The following RPRD1A variants were observed in gnomAD, a reference collection of about 807,000 sequenced individuals.
RPRD1A encodes the protein regulation of nuclear pre-mRNA domain containing 1A.
A neutral mutation model predicts 37.8 loss-of-function variants in RPRD1A; 9 were observed. The observed-to-expected ratio is 0.24, with a 90% CI of 0.14 to 0.42. RPRD1A has a LOEUF of 0.42. RPRD1A is among the 10% of genes least tolerant of loss of function. The pLI is 1.00. For missense variants in RPRD1A, 255 were observed against 371.0 expected (o/e 0.69, Z 2.57); for synonymous variants, 138 against 139.7 (o/e 0.99, Z 0.08).
intron 6 of RPRD1A, among the ~76,000 whole-genome samples, chr18:36,017,182 C>T (rs1429454598): frequency 6.6e-6 from 1 of 152,060 alleles, no homozygotes; most frequent in Non-Finnish European, 1.5e-5. Context: ...TCGTGGCACT[C>T]GCCTGTAGTC....
intron 6 of RPRD1A, among the ~76,000 whole-genome samples, chr18:36,003,542 A>G (rs1260274684): frequency 4.6e-5 from 7 of 152,240 alleles, no homozygotes; most frequent in African/African-American, 1.7e-4. Context: ...CCTGTCAAGT[A>G]TATTACTCGA....
chr18:36,015,423 G>A (rs1259202332), intron 6 of RPRD1A, among the ~76,000 whole-genome samples: 2 of 152,020 alleles, frequency 1.3e-5, no homozygotes, highest in Non-Finnish European at 2.9e-5. Context: ...ATGTTGGCCA[G>A]GCTGGTCTCA....
At chr18:36,008,759 T>C (rs1331429573) in intron 6 of RPRD1A, among the ~76,000 whole-genome samples, 1 of 151,580 alleles carries the variant, frequency 6.6e-6, no homozygotes, top group African/African-American at 2.4e-5. Flanking sequence ...ACTTACTACA[T>C]CAAGTTTAAA....
intron 6 of RPRD1A, among the ~76,000 whole-genome samples, chr18:36,020,507 C>A (rs139405508): frequency 6.6e-6 from 1 of 152,150 alleles, no homozygotes; most frequent in Admixed American, 6.5e-5. Flanking sequence ...AAGTCTTTAA[C>A]ATGAATCAGC....
At chr18:36,049,934 G>C (rs191339605) in intron 1 of RPRD1A, among the ~76,000 whole-genome samples, 1 of 152,056 alleles carries the variant, frequency 6.6e-6, no homozygotes, top group East Asian at 1.9e-4. Flanking sequence ...ATTCTGACCA[G>C]CAATGTGCCA....
intron 6 of RPRD1A, among the ~76,000 whole-genome samples, chr18:35,997,076 A>T (rs1017185747): frequency 6.6e-6 from 1 of 152,070 alleles, no homozygotes; most frequent in South Asian, 2.1e-4. Context: ...ATTTTAAACT[A>T]TATAGAATTT....
intron 6 of RPRD1A, among the ~76,000 whole-genome samples, chr18:36,018,691 G>A: frequency 6.6e-6 from 1 of 151,996 alleles, no homozygotes; most frequent in South Asian, 2.1e-4. Flanking sequence ...ACAAAACAAG[G>A]TTCATCTCAT....
At chr18:36,013,637 G>A (rs140005288) in intron 6 of RPRD1A, among the ~76,000 whole-genome samples, 1 of 152,160 alleles carries the variant, frequency 6.6e-6, no homozygotes, top group African/African-American at 2.4e-5. Flanking sequence ...GCCACTCTCA[G>A]ACATGCAAAG....
intron 1 of RPRD1A, among the ~76,000 whole-genome samples, chr18:36,046,286 C>A (rs1025883583): frequency 1.3e-5 from 2 of 152,020 alleles, no homozygotes; most frequent in African/African-American, 4.8e-5. Flanking sequence ...AAGTAGGGAA[C>A]CTAGACTTCC....
rs181752306 is a variant in RPRD1A, at chr18:36,043,101, T to C, written c.152-9264A>G. Among the ~76,000 whole-genome samples, 101 of 145,134 alleles carry C rather than the reference T, an allele frequency of 7.0e-4. 1 individual carries two copies. The highest frequency in any genetic ancestry group is 1.2e-3 in the Non-Finnish European group (84 of 67,478). On this transcript the variant is annotated intron_variant, in intron 1 of 6. Transcript: ENST00000399022. ...TCAAAAATGAAAGCGATTGATGTAT[T>C]GATATGGAAAAATATCAAAGACATA...
chr18:36,028,727 A>G (rs1310666504), intron 4 of RPRD1A, among the ~76,000 whole-genome samples: 5 of 152,220 alleles, frequency 3.3e-5, no homozygotes, highest in African/African-American at 1.2e-4. Flanking sequence ...ACCTACAAAG[A>G]GATTTTAGCC....
At chr18:36,022,779 C>T (rs933523003) in intron 6 of RPRD1A, among the ~76,000 whole-genome samples, 4 of 152,164 alleles carry the variant, frequency 2.6e-5, no homozygotes, top group Admixed American at 6.5e-5. Context: ...CTGGGCAACA[C>T]AGCAAGAACT....
At chr18:36,051,090 G>A (rs1238757100) in intron 1 of RPRD1A, among the ~76,000 whole-genome samples, 1 of 151,958 alleles carries the variant, frequency 6.6e-6, no homozygotes, top group South Asian at 2.1e-4. Flanking sequence ...ATGTATACAT[G>A]GACCCACAAA....
At chr18:36,046,587 T>C (rs895828566) in intron 1 of RPRD1A, among the ~76,000 whole-genome samples, 6 of 151,712 alleles carry the variant, frequency 4.0e-5, no homozygotes, top group African/African-American at 7.3e-5. Flanking sequence ...CTCAGCACTA[T>C]ACGGAGGCCG....
At chr18:36,012,831 T>G (rs536850245) in intron 6 of RPRD1A, among the ~76,000 whole-genome samples, 6 of 152,336 alleles carry the variant, frequency 3.9e-5, no homozygotes, top group African/African-American at 1.4e-4. Flanking sequence ...GATGTAAAAA[T>G]TCATTAATGT....
chr18:36,010,500 A>C (rs556123201), intron 6 of RPRD1A, among the ~76,000 whole-genome samples: 19 of 152,244 alleles, frequency 1.2e-4, no homozygotes, highest in South Asian at 4.1e-4. Flanking sequence ...CTGTCTCAAA[A>C]AAAACAAAAC....
intron 5 of RPRD1A, 50 bp downstream of exon 5, chr18:36,027,134 C>T: frequency 6.2e-7 from 1 of 1,612,482 alleles, no homozygotes. Flanking sequence ...ATATGCTGTT[C>T]TCTCATCCCA....
chr18:36,053,082 G>A (rs1438458628), intron 1 of RPRD1A, among the ~76,000 whole-genome samples: 1 of 152,102 alleles, frequency 6.6e-6, no homozygotes, highest in Admixed American at 6.6e-5. Context: ...AGAGTCTGGA[G>A]ACTAGGGGAT....
chr18:36,002,710 G>A (rs1216349901), intron 6 of RPRD1A, among the ~76,000 whole-genome samples: 1 of 152,172 alleles, frequency 6.6e-6, no homozygotes, highest in Non-Finnish European at 1.5e-5. Flanking sequence ...TGTGCCATAT[G>A]TAAGTCTGGT....
Sources: allele counts gnomAD v4.1 joint callset (sites outside exome capture counted in the v4.1 genomes callset), GRCh38; gene constraint gnomAD v4.1.1; transcripts MANE v1.5; gene names NCBI Gene and HGNC (gene_info 2026-07-23, HGNC 2026-07-21).